Variants in ST18 observed in about 807,000 individuals in gnomAD.
The protein encoded by ST18 is ST18 C2H2C-type zinc finger transcription factor.
In ST18, 50 loss-of-function variants were observed where a neutral mutation model predicts 110.0. That is an observed-to-expected ratio of 0.45 (90% CI 0.36 to 0.58). ST18 has a LOEUF of 0.58. ST18 is among the 20% of genes least tolerant of loss of function. ST18 has a pLI of 0.00. For synonymous variants in ST18, 461 were observed against 452.4 expected, an observed-to-expected ratio of 1.02 and a Z score of -0.24; for missense variants, 1,306 against 1,280.1, an observed-to-expected ratio of 1.02 and a Z score of -0.31.
At chr8:52,344,835 G>A (rs1329210339) in intron 2 of ST18, among the ~76,000 whole-genome samples, 2 of 152,088 alleles carry the variant, frequency 1.3e-5, no homozygotes, top group Admixed American at 1.3e-4. Flanking sequence ...TAATAAAGCT[G>A]ATAACTTTGC....
chr8:52,249,967 C>G (rs1459294041), intron 2 of ST18, among the ~76,000 whole-genome samples: 1 of 152,000 alleles, frequency 6.6e-6, no homozygotes, highest in Non-Finnish European at 1.5e-5. Flanking sequence ...CTTCCTCCCC[C>G]CGACCCCAGC....
chr8:52,400,625 T>C (rs925654444), intron 2 of ST18, among the ~76,000 whole-genome samples: 2 of 152,102 alleles, frequency 1.3e-5, no homozygotes, highest in Non-Finnish European at 1.5e-5. Flanking sequence ...GGGGCTTACA[T>C]AAAACATCTT....
intron 9 of ST18, among the ~76,000 whole-genome samples, chr8:52,177,759 C>G (rs897616294): frequency 2.6e-5 from 4 of 152,110 alleles, no homozygotes; most frequent in African/African-American, 9.7e-5. Flanking sequence ...CAATTGTTTC[C>G]TAATTATCTT....
chr8:52,161,671 A>AGATACATGTGTCAC, intron 13 of ST18, 103 bp from the exon 14 acceptor site: 1 of 1,292,094 alleles, frequency 7.7e-7, no homozygotes, highest in Non-Finnish European at 1.1e-6. Context: ...TCCTGAAGGT[A>AGATACATGTGTCAC]TCCACAGAGA....
intron 9 of ST18, 58 bp downstream of exon 9, chr8:52,180,064 T>C: frequency 6.4e-7 from 1 of 1,556,294 alleles, no homozygotes; most frequent in East Asian, 2.2e-5. Flanking sequence ...CTACATGAAT[T>C]AGCACAGAGT....
At chr8:52,179,892 C>T (rs936249057) in intron 9 of ST18, among the ~76,000 whole-genome samples, 5 of 152,098 alleles carry the variant, frequency 3.3e-5, no homozygotes, top group African/African-American at 4.8e-5. Context: ...CTTTTGAAAA[C>T]GGATAGGGCA....
In ST18 at chr8:52,164,160, C is replaced by A. The variant is rs546223590; in HGVS notation, c.1296-70G>T. ...ATATGATTTGTTTTGGCATGTGCCT[C>A]ACAGCACACTTGGCACACACTAAAT... On this transcript the variant is annotated intron_variant, in intron 12 of 25. Transcript: ENST00000689386. The A allele has an allele frequency of 1.1e-3, 1,362 of 1,268,868 alleles. 4 individuals are homozygous for A. The highest frequency in any genetic ancestry group is 1.4e-3 in the Non-Finnish European group (1,210 of 868,984). The allele number at this position is 1,268,868 out of a possible 1,614,324, so 78.6% of individuals were successfully genotyped here. A position where few individuals can be genotyped will look rare whatever the true frequency, so the allele number is the denominator to read the frequency against.
At chr8:52,396,558 A>C (rs1340659317) in intron 2 of ST18, among the ~76,000 whole-genome samples, 1 of 152,236 alleles carries the variant, frequency 6.6e-6, no homozygotes, top group Non-Finnish European at 1.5e-5. Context: ...ATTGACTCAC[A>C]GTTCCACATG....
intron 2 of ST18, among the ~76,000 whole-genome samples, chr8:52,279,554 C>T (rs1564400621): frequency 6.6e-6 from 1 of 152,004 alleles, no homozygotes; most frequent in African/African-American, 2.4e-5. Flanking sequence ...AAACTCTACC[C>T]AGAATAAATT....
In ST18 at chr8:52,136,572, C is replaced by G. The variant is rs1191587868; in HGVS notation, c.2300+18G>C. The G allele has an allele frequency of 3.1e-6, 5 of 1,604,922 alleles. No homozygotes were observed. Among genetic ancestry groups the G allele is most frequent in the Non-Finnish European group, 4.3e-6 (5 of 1,175,958 alleles). ...CCGTGTGGATGAAGGGCAAGCCGGC[C>G]ACGCTTCCCGCACTTACTTAAGCTC... On this transcript the variant is annotated intron_variant, in intron 19 of 25. Coordinates refer to ENST00000689386, the MANE Select transcript of ST18 (RefSeq NM_001352837.2).
chr8:52,231,580 G>GATTCTTGAACCTCAGCCAC (rs2091370922), intron 2 of ST18, among the ~76,000 whole-genome samples: 1 of 152,024 alleles, frequency 6.6e-6, no homozygotes, highest in South Asian at 2.1e-4. Flanking sequence ...GGGTTCAAGT[G>GATTCTTGAACCTCAGCCAC]ATTCTTCTGC....
chr8:52,209,148 C>T (rs1241694405), intron 8 of ST18, among the ~76,000 whole-genome samples: 7 of 152,072 alleles, frequency 4.6e-5, no homozygotes, highest in Non-Finnish European at 8.8e-5. Flanking sequence ...AAAAACTAGG[C>T]TGTTTGAAAG....
intron 2 of ST18, among the ~76,000 whole-genome samples, chr8:52,308,521 T>A (rs1260358796): frequency 1.3e-5 from 2 of 152,218 alleles, no homozygotes; most frequent in Non-Finnish European, 2.9e-5. Flanking sequence ...CTGCCCTGTG[T>A]TCTCTCCATT....
At chr8:52,274,493 A>C in intron 2 of ST18, among the ~76,000 whole-genome samples, 1 of 152,200 alleles carries the variant, frequency 6.6e-6, no homozygotes, top group Non-Finnish European at 1.5e-5. Context: ...CAGAAATAGG[A>C]AAAAGAGTTG....
chr8:52,155,552 A>G (rs982369852), intron 15 of ST18, among the ~76,000 whole-genome samples: 1 of 152,144 alleles, frequency 6.6e-6, no homozygotes, highest in Admixed American at 6.5e-5. Context: ...ATGGATGACC[A>G]TGTGAACAGC....
chr8:52,175,768 G>C (rs919599541), intron 9 of ST18, among the ~76,000 whole-genome samples: 1 of 152,126 alleles, frequency 6.6e-6, no homozygotes, highest in Non-Finnish European at 1.5e-5. Flanking sequence ...AGGCTTGCTC[G>C]AGACCACATG....
intron 19 of ST18, among the ~76,000 whole-genome samples, chr8:52,135,555 C>T (rs1369600530): frequency 4.0e-5 from 4 of 99,914 alleles, no homozygotes; most frequent in African/African-American, 8.7e-5. Flanking sequence ...GCAACAAGAC[C>T]GAAACTCCAT....
At chr8:52,240,376 T>G (rs1482546986) in intron 2 of ST18, among the ~76,000 whole-genome samples, 1 of 152,150 alleles carries the variant, frequency 6.6e-6, no homozygotes, top group African/African-American at 2.4e-5. Context: ...TGCTACCTTA[T>G]TATACAGAAA....
intron 2 of ST18, among the ~76,000 whole-genome samples, chr8:52,325,959 G>A (rs1399071316): frequency 6.6e-6 from 1 of 152,194 alleles, no homozygotes; most frequent in Non-Finnish European, 1.5e-5. Flanking sequence ...GATATCAGCT[G>A]TAAGCTGCTT....
Sources: gnomAD v4.1 joint callset for allele counts (sites outside exome capture counted in the v4.1 genomes callset) on GRCh38, gnomAD v4.1.1 for gene constraint, MANE v1.5 for transcripts, NCBI Gene and HGNC (gene_info 2026-07-23, HGNC 2026-07-21) for gene names.